Variants in GNG7 observed in about 807,000 individuals in gnomAD.
GNG7 encodes the protein guanine nucleotide-binding protein G(I)/G(S)/G(O) subunit gamma-7.
GNG7 carries 1 observed loss-of-function variant against 4.0 expected under a neutral mutation model. The observed-to-expected ratio is 0.25, with a 90% confidence interval of 0.09 to 1.18. The LOEUF (loss-of-function observed/expected upper bound fraction) is 1.18. GNG7 is among the 50% of genes most tolerant of loss of function. The pLI is 0.50. For synonymous variants in GNG7, 34 were observed against 36.9 expected (o/e 0.92, Z 0.29); for missense variants, 86 against 91.9 (o/e 0.94, Z 0.26).
intron 3 of GNG7, among the ~76,000 whole-genome samples, chr19:2,539,509 T>G (rs547815136): frequency 4.6e-5 from 7 of 152,184 alleles, no homozygotes; most frequent in African/African-American, 1.7e-4. Flanking sequence ...TTCACCATGT[T>G]GGCCAGGCTG....
chr19:2,582,123 G>C (rs1980521213), intron 2 of GNG7, among the ~76,000 whole-genome samples: 1 of 152,184 alleles, frequency 6.6e-6, no homozygotes, highest in Admixed American at 6.6e-5. Flanking sequence ...ATAAATGTGG[G>C]ATCCTGGATC....
chr19:2,667,151 C>T (rs2144884859), intron 1 of GNG7, among the ~76,000 whole-genome samples: 1 of 152,012 alleles, frequency 6.6e-6, no homozygotes, highest in African/African-American at 2.4e-5. Context: ...GAAACCCAAC[C>T]CGTCTCTATT....
intron 1 of GNG7, among the ~76,000 whole-genome samples, chr19:2,686,505 A>C (rs956324255): frequency 6.6e-6 from 1 of 152,002 alleles, no homozygotes; most frequent in African/African-American, 2.4e-5. Context: ...AGCTGCGCTC[A>C]ACACCCCGGC....
chr19:2,522,546 G>A (rs1374485104), intron 3 of GNG7, among the ~76,000 whole-genome samples: 3 of 151,842 alleles, frequency 2.0e-5, no homozygotes, highest in Middle Eastern at 3.4e-3. Context: ...AGGCCGAGGC[G>A]GGCGGGTCAC....
chr19:2,639,996 AAGAG>A (rs1982455599), intron 2 of GNG7, among the ~76,000 whole-genome samples: 1 of 64,556 alleles, frequency 1.5e-5, no homozygotes, highest in Non-Finnish European at 3.1e-5. Context: ...AGGAAGAAAG[AAGAG>A]AGGGAGGGAA....
rs895311036 is a variant in GNG7 at position 2,511,493 on chromosome 19, T to C, written c.*3529A>G. 1.3e-5 allele frequency: 2 copies of C among 152,334 alleles called. No homozygotes were observed. Among genetic ancestry groups the C allele is most frequent in the Non-Finnish European group, 2.9e-5 (2 of 68,174 alleles). 9.4% of individuals were successfully genotyped at this position (152,334 alleles called of 1,614,324 possible). On this transcript the variant is annotated 3_prime_UTR_variant, in exon 5 of 5. Transcript: ENST00000382159. The surrounding 1 kb of genome is among the most constrained non-coding windows in gnomAD (Gnocchi z 6.3). Reference sequence around the variant, plus strand: ...GCGGCTGGCCGGCATATGGCTTCTGTGCAGAGGGCCTGGCCTCAGGCCGTG... The same window carrying C: ...GCGGCTGGCCGGCATATGGCTTCTGCGCAGAGGGCCTGGCCTCAGGCCGTG...
chr19:2,544,867 T>C (rs931119772), intron 3 of GNG7, among the ~76,000 whole-genome samples: 1 of 151,548 alleles, frequency 6.6e-6, no homozygotes, highest in East Asian at 2.0e-4. Flanking sequence ...CAGAGAAGGA[T>C]CTTACCCCAC....
At chr19:2,631,640 A>G (rs546284810) in intron 2 of GNG7, among the ~76,000 whole-genome samples, 28 of 152,230 alleles carry the variant, frequency 1.8e-4, no homozygotes, top group African/African-American at 2.4e-5. Context: ...GGAGGGGGGA[A>G]CTTGGCCCAG....
At position 2,596,133 on chromosome 19, in the gene GNG7, C is replaced by T. The variant is rs879598560; in HGVS notation, c.-77-40945G>A. Among the ~76,000 whole-genome samples, 9 of 151,996 alleles carry T rather than the reference C, an allele frequency of 5.9e-5. 1 individual carries two copies. The highest frequency in any genetic ancestry group is 1.5e-4 in the African/African-American group (6 of 41,374). On this transcript the variant is annotated intron_variant, in intron 2 of 4. Transcript: ENST00000382159. Reference sequence around the variant, plus strand: ...CAGCACTTTGAGAGGCCGAGGCGGGCGGATCACCTGAGGTCAGGAGTTTGG... The same window carrying T: ...CAGCACTTTGAGAGGCCGAGGCGGGTGGATCACCTGAGGTCAGGAGTTTGG...
chr19:2,540,010 C>G (rs1365333512), intron 3 of GNG7, among the ~76,000 whole-genome samples: 1 of 139,822 alleles, frequency 7.2e-6, no homozygotes, highest in Non-Finnish European at 1.6e-5. Flanking sequence ...TTTCTTTCTT[C>G]TTTCTTTCTC....
intron 2 of GNG7, among the ~76,000 whole-genome samples, chr19:2,563,130 A>G (rs1449914190): frequency 6.6e-6 from 1 of 151,444 alleles, no homozygotes; most frequent in Non-Finnish European, 1.5e-5. Flanking sequence ...TTGTACTTTT[A>G]GTAAAGACGG....
Position 2,545,222 on chromosome 19 carries a change from C to G in GNG7, c.-38+9927G>C, listed in dbSNP as rs567895680. ...TGGTTGTCGTAACTGGGGGGTGCTC[C>G]TGGCATGGAGTGGGTGGAGGCCAGG... On this transcript the variant is annotated intron_variant, in intron 3 of 4. Coordinates refer to ENST00000382159, the MANE Select transcript of GNG7 (RefSeq NM_052847.3). Among the ~76,000 whole-genome samples, 198 of 152,128 alleles carry G rather than the reference C, an allele frequency of 1.3e-3. 1 individual carries two copies. Among genetic ancestry groups the G allele is most frequent in the African/African-American group, 4.4e-3 (182 of 41,488 alleles).
At chr19:2,562,888 CG>C (rs1180951039) in intron 2 of GNG7, among the ~76,000 whole-genome samples, 12 of 152,180 alleles carry the variant, frequency 7.9e-5, no homozygotes, top group African/African-American at 2.4e-4. Context: ...TCGGCCCCAT[CG>C]GGAGTTTATT....
intron 1 of GNG7, among the ~76,000 whole-genome samples, chr19:2,661,298 GAAAGAGAA>G (rs1268152597): frequency 0.015 from 527 of 35,856 alleles, 2 homozygotes; most frequent in Admixed American, 0.022. Context: ...AAGAAAGAAA[GAAAGAGAA>G]AGAAAGAAAG....
intron 1 of GNG7, among the ~76,000 whole-genome samples, chr19:2,685,344 C>T (rs8108288): frequency 0.073 from 11,147 of 151,830 alleles, 807 homozygotes; most frequent in African/African-American, 0.19. Context: ...GAAGAGAAGG[C>T]TGGGTGCAGT....
At position 2,661,245 on chromosome 19, in the gene GNG7, A is replaced by AAAAG. The variant is rs368412587; in HGVS notation, c.-134-14969_-134-14966dup. ...AAAAAAGAAAAGGAAAGAAAGAAAGAAAAGAAAGAAAGAAAGAAAGAAAGA... is the reference window on the plus strand; with the variant it reads ...AAAAAAGAAAAGGAAAGAAAGAAAGAAAAGAAAGAAAGAAAGAAAGAAAGAAAGA... On this transcript the variant is annotated intron_variant, in intron 1 of 4. Coordinates refer to ENST00000382159, the MANE Select transcript of GNG7 (RefSeq NM_052847.3). 3.0e-3 allele frequency among the ~76,000 whole-genome samples: 282 copies of AAAAG among 93,778 alleles called. 4 individuals carry two copies. Among genetic ancestry groups the AAAAG allele is most frequent in the African/African-American group, 9.4e-3 (223 of 23,620 alleles). The allele number at this position is 93,778 out of a possible 152,430, so 61.5% of individuals were successfully genotyped here.
rs1401313145 is a variant in GNG7, at chr19:2,655,857, AAAAT to A, written c.-134-9581_-134-9578del. 1.4e-3 allele frequency among the ~76,000 whole-genome samples: 185 copies of A among 134,258 alleles called. 2 individuals carry two copies. The highest frequency in any genetic ancestry group is 5.7e-3 in the African/African-American group (176 of 30,794). 88.1% of individuals were successfully genotyped at this position (134,258 alleles called of 152,430 possible). The stretch of plus-strand genomic sequence containing the variant: ...CCGTCTGAAAAAAAAAAAAAAAAAA[AAAAT>A]ACATATATATATAAATTAGCCAGGC... On this transcript the variant is annotated intron_variant, in intron 1 of 4. Transcript: ENST00000382159.
At chr19:2,688,214 C>T (rs1913047527) in intron 1 of GNG7, among the ~76,000 whole-genome samples, 1 of 152,188 alleles carries the variant, frequency 6.6e-6, no homozygotes, top group Non-Finnish European at 1.5e-5. Flanking sequence ...GATCGCGCCA[C>T]TGCACTCCAG....
chr19:2,597,035 G>A (rs1332966036), intron 2 of GNG7, among the ~76,000 whole-genome samples: 3 of 152,104 alleles, frequency 2.0e-5, no homozygotes, highest in Non-Finnish European at 4.4e-5. Context: ...GAGGTGGGAA[G>A]ATCACTTGAG....
Sources: gnomAD v4.1 joint callset for allele counts (sites outside exome capture counted in the v4.1 genomes callset) on GRCh38, gnomAD v4.1.1 for gene constraint, Gnocchi (gnomAD v3.1) non-coding constraint, MANE v1.5 for transcripts, NCBI Gene and HGNC (gene_info 2026-07-23, HGNC 2026-07-21) for gene names.